TANC2: variants seen among roughly 807,000 people sequenced by gnomAD.
TANC2 encodes protein TANC2.
Under a neutral mutation model 210.5 loss-of-function variants are expected in TANC2, and 26 were observed. The ratio of observed to expected loss-of-function variants is 0.12; its 90% CI spans 0.09 to 0.17. The LOEUF is 0.17. TANC2 is among the 10% of genes least tolerant of loss of function. The probability of loss-of-function intolerance (pLI) is 1.00; values close to 1 mark genes in which losing one functional copy is unlikely to be tolerated. For missense variants in TANC2, 2,129 were observed against 2,608.9 expected, an observed-to-expected ratio of 0.82 and a Z score of 4.01; for synonymous variants, 931 against 967.1, an observed-to-expected ratio of 0.96 and a Z score of 0.69.
chr17:63,145,926 T>TG (rs1399100986), intron 4 of TANC2, among the ~76,000 whole-genome samples: 2 of 151,420 alleles, frequency 1.3e-5, no homozygotes, highest in East Asian at 1.9e-4. Flanking sequence ...TTTCTATTTC[T>TG]GGGGAAAAAA....
At chr17:63,020,080 C>G (rs1292522430) in intron 2 of TANC2, among the ~76,000 whole-genome samples, 1 of 152,186 alleles carries the variant, frequency 6.6e-6, no homozygotes, top group East Asian at 1.9e-4. Flanking sequence ...GCATGTGCCG[C>G]CATGCCTGGC....
At position 63,420,768 on chromosome 17, in the gene TANC2, G is replaced by A; in HGVS notation, c.5038G>A (p.Val1680Met). 6.2e-7 allele frequency: 1 copy of A among 1,614,012 alleles called. No individual in the cohort carries two copies. Among genetic ancestry groups the A allele is most frequent in the Non-Finnish European group, 8.5e-7 (1 of 1,179,906 alleles). The change falls in exon 28 of 28, where the codon GTG becomes ATG. Residue 1680 changes from valine to methionine, a missense_variant. Physicochemically the swap from Val to Met is conservative, Grantham distance 21. Transcript: ENST00000689528. This position sits in a 1 kb window ranked among gnomAD's most constrained non-coding sequence, Gnocchi z 4.2. ...GCCCTACCAGATGCCTCAGCTCCCT[G>A]TGGCAGTTCCCCAGCAAGGGCTCAG...
intron 2 of TANC2, 72 bp downstream of exon 2, chr17:63,009,698 T>G: frequency 7.7e-7 from 1 of 1,299,608 alleles, no homozygotes; most frequent in Non-Finnish European, 1.1e-6. Flanking sequence ...CCTGAATTAA[T>G]GCTGTAACAC....
At chr17:63,323,004 G>T (rs2045544413) in intron 11 of TANC2, among the ~76,000 whole-genome samples, 1 of 152,154 alleles carries the variant, frequency 6.6e-6, no homozygotes, top group African/African-American at 2.4e-5. Flanking sequence ...ATCAGAAGTA[G>T]CCACTTAGCT....
At chr17:63,287,635 G>A (rs1053210484) in intron 9 of TANC2, among the ~76,000 whole-genome samples, 11 of 151,800 alleles carry the variant, frequency 7.2e-5, no homozygotes, top group Admixed American at 2.0e-4. Flanking sequence ...TAATTGTTTG[G>A]TACTTCTGAG....
At position 63,155,430 on chromosome 17, in the gene TANC2, C is replaced by T. The variant is rs562165921; in HGVS notation, c.433+4050C>T. On this transcript the variant is annotated intron_variant, in intron 5 of 27. Transcript: ENST00000689528. ...GAAAATTTTCAGTAATCTGATGACA[C>T]TAAATGATGGTGATACTCTGTTTTT... Among the ~76,000 whole-genome samples the T allele has an allele frequency of 1.3e-3, 198 of 152,166 alleles. 3 individuals are homozygous for T. The highest frequency in any genetic ancestry group is 8.8e-4 in the Non-Finnish European group (60 of 67,948).
chr17:63,354,262 CT>C (rs1258490953), intron 13 of TANC2, among the ~76,000 whole-genome samples: 1 of 152,138 alleles, frequency 6.6e-6, no homozygotes, highest in East Asian at 1.9e-4. Context: ...AGAAGTGTAC[CT>C]TTCGGCTAAG....
chr17:63,014,044 A>G (rs945571299), intron 2 of TANC2, among the ~76,000 whole-genome samples: 3 of 151,954 alleles, frequency 2.0e-5, no homozygotes, highest in Admixed American at 2.0e-4. Context: ...TACCTTACAT[A>G]CTTTTCATAC....
intron 14 of TANC2, among the ~76,000 whole-genome samples, chr17:63,358,976 T>TTGTGTGTGTGTGTGTGTGTG (rs34338483): frequency 1.0e-4 from 15 of 147,806 alleles, no homozygotes; most frequent in African/African-American, 3.3e-4. Flanking sequence ...AGATTAATAT[T>TTGTGTGTGTGTGTGTGTGTG]TGTGTGTGTG....
At chr17:63,013,801 T>G (rs2033985605) in intron 2 of TANC2, among the ~76,000 whole-genome samples, 1 of 150,854 alleles carries the variant, frequency 6.6e-6, no homozygotes, top group African/African-American at 2.4e-5. Context: ...TTATCATCTA[T>G]TCATGCTTTT....
At chr17:63,121,971 G>A (rs575833302) in intron 4 of TANC2, among the ~76,000 whole-genome samples, 4 of 151,218 alleles carry the variant, frequency 2.6e-5, no homozygotes, top group African/African-American at 4.9e-5. Context: ...CATCTCTTGC[G>A]GGGGGAGGGG....
chr17:63,055,982 AAAAAAAAAATATATATATATATATAT>A (rs1445072859), intron 2 of TANC2, among the ~76,000 whole-genome samples: 4 of 34,548 alleles, frequency 1.2e-4, no homozygotes, highest in East Asian at 1.3e-3. Context: ...AAAAAAAAAA[AAAAAAAAAATATATATATATATATAT>A]ATATATATAT....
chr17:63,035,684 G>A lies in TANC2; in HGVS notation c.67+26058G>A, dbSNP rs58159091. On this transcript the variant is annotated intron_variant, in intron 2 of 27. Coordinates refer to ENST00000689528, the Ensembl canonical transcript of TANC2. Reference sequence around the variant, plus strand: ...TATAAACATTCATATATGGGTTTTTGTGTGAACATAAGTTTTCGTATCTGT... The same window carrying A: ...TATAAACATTCATATATGGGTTTTTATGTGAACATAAGTTTTCGTATCTGT... 3.3e-5 allele frequency among the ~76,000 whole-genome samples: 5 copies of A among 152,250 alleles called. No individual in the cohort carries two copies. The East Asian group carries it at 9.6e-4, about 29-fold the overall frequency.
chr17:63,365,177 C>T (rs1416220685), intron 14 of TANC2, among the ~76,000 whole-genome samples: 1 of 152,210 alleles, frequency 6.6e-6, no homozygotes, highest in Admixed American at 6.5e-5. Flanking sequence ...ACAGCATATT[C>T]TCTTTTTTGC....
chr17:62,973,030 AT>A (rs113343539), intron 1 of TANC2, among the ~76,000 whole-genome samples: 4,859 of 132,618 alleles, frequency 0.037, 76 homozygotes, highest in South Asian at 0.043. Flanking sequence ...TAGTTGCCGC[AT>A]TTTTTTTTTT....
intron 8 of TANC2, among the ~76,000 whole-genome samples, chr17:63,250,751 C>A (rs1321885064): frequency 1.3e-5 from 2 of 152,072 alleles, no homozygotes; most frequent in Non-Finnish European, 2.9e-5. Context: ...AACAAAGATT[C>A]CCATTCTCAT....
At chr17:63,224,152 CT>C (rs762694726) in intron 7 of TANC2, among the ~76,000 whole-genome samples, 47 of 152,110 alleles carry the variant, frequency 3.1e-4, no homozygotes, top group Non-Finnish European at 5.3e-4. Context: ...GCATCCTAAT[CT>C]GTTCAACCAT....
Position 63,395,947 on chromosome 17 carries a change from G to T in TANC2, c.3237+19G>T. 1 of 1,589,664 alleles carries T rather than the reference G, an allele frequency of 6.3e-7. No individual in the cohort carries two copies. Among genetic ancestry groups the T allele is most frequent in the Non-Finnish European group, 8.6e-7 (1 of 1,166,332 alleles). On this transcript the variant is annotated intron_variant, in intron 18 of 27. Transcript: ENST00000689528. ...TACTGAGGTAAGAAGTAGGCAATAG[G>T]ATTGTTTTTTCAAGCTCTGTATTGA...
At chr17:63,284,474 C>T (rs1376767377) in intron 9 of TANC2, among the ~76,000 whole-genome samples, 2 of 151,760 alleles carry the variant, frequency 1.3e-5, no homozygotes, top group African/African-American at 4.8e-5. Context: ...TAAAGCATTT[C>T]ATTTGCGTTC....
Sources: gnomAD v4.1 joint callset for allele counts (sites outside exome capture counted in the v4.1 genomes callset) on GRCh38, gnomAD v4.1.1 for gene constraint, Gnocchi (gnomAD v3.1) non-coding constraint, MANE v1.5 for transcripts, NCBI Gene and HGNC (gene_info 2026-07-23, HGNC 2026-07-21) for gene names.